The following EEF1E1 variants were observed in gnomAD, a reference collection of about 807,000 sequenced individuals.
The protein encoded by EEF1E1 is eukaryotic translation elongation factor 1 epsilon-1.
EEF1E1 carries 19 observed loss-of-function variants against 19.9 expected under a neutral mutation model. That is an observed-to-expected ratio of 0.95 (90% CI 0.66 to 1.40). The LOEUF (loss-of-function observed/expected upper bound fraction) is 1.40. Ranked by LOEUF, EEF1E1 falls within the 40% of genes most tolerant of loss-of-function variation. The pLI is 0.00. For synonymous variants in EEF1E1, 81 were observed against 80.0 expected, an observed-to-expected ratio of 1.01 and a Z score of -0.07; for missense variants, 198 against 202.2, an observed-to-expected ratio of 0.98 and a Z score of 0.13.
intron 3 of EEF1E1, among the ~76,000 whole-genome samples, chr6:8,083,280 T>C (rs555218949): frequency 1.3e-5 from 2 of 152,320 alleles, no homozygotes; most frequent in East Asian, 3.9e-4. Context: ...CTTTGGGACA[T>C]TCTTTAGGGC....
downstream of EEF1E1, among the ~76,000 whole-genome samples, chr6:8,075,311 C>T (rs1043493192): frequency 1.3e-5 from 2 of 152,156 alleles, no homozygotes; most frequent in Non-Finnish European, 2.9e-5. Flanking sequence ...ACTAAAAATA[C>T]TCCTGAGGGC....
rs1471676516 is a variant in EEF1E1, at chr6:8,101,266, A to G, written c.87+1169T>C. On this transcript the variant is annotated intron_variant, in intron 1 of 3. Transcript: ENST00000379715. ...AAAATATATATATATATATATATAT[A>G]TATATATATATATATATGGCACTCT... Among the ~76,000 whole-genome samples the G allele has an allele frequency of 1.7e-5, 2 of 120,964 alleles. 1 individual carries two copies. Among genetic ancestry groups the G allele is most frequent in the Non-Finnish European group, 3.3e-5 (2 of 60,278 alleles). The allele number at this position is 120,964 out of a possible 152,430, so 79.4% of individuals were successfully genotyped here.
chr6:8,101,382 G>C (rs986011364), intron 1 of EEF1E1, among the ~76,000 whole-genome samples: 31 of 147,068 alleles, frequency 2.1e-4, no homozygotes, highest in Admixed American at 1.4e-4. Flanking sequence ...CACTAAGCTA[G>C]GGAGTAGGGG....
At chr6:8,078,831 A>T, downstream of EEF1E1, 2 of 1,146,814 alleles carry the variant, frequency 1.7e-6, no homozygotes, top group Non-Finnish European at 2.2e-6. Flanking sequence ...ATCCTAATTT[A>T]GCATTATCTT....
chr6:8,095,484 C>A, intron 2 of EEF1E1: 1 of 243,382 alleles, frequency 4.1e-6, no homozygotes, highest in Non-Finnish European at 8.7e-6. Context: ...GCCTGGGTGA[C>A]AGAGTGAGAA....
intron 2 of EEF1E1, among the ~76,000 whole-genome samples, chr6:8,091,854 G>C (rs767764444): frequency 2.6e-5 from 4 of 152,220 alleles, no homozygotes; most frequent in Non-Finnish European, 5.9e-5. Context: ...AAACTATAGA[G>C]AGGGCATTTT....
At chr6:8,093,147 C>T (rs192047440) in intron 2 of EEF1E1, among the ~76,000 whole-genome samples, 6 of 152,168 alleles carry the variant, frequency 3.9e-5, no homozygotes, top group Admixed American at 2.0e-4. Flanking sequence ...GCTGGGATTA[C>T]AGGCGTGAGC....
At chr6:8,076,641 A>G (rs1161743205), downstream of EEF1E1, among the ~76,000 whole-genome samples, 1 of 152,114 alleles carries the variant, frequency 6.6e-6, no homozygotes, top group East Asian at 1.9e-4. Flanking sequence ...ATATTTCTTA[A>G]GTAGTAAGAC....
In EEF1E1 at chr6:8,079,966, T is replaced by A. The variant is rs763644860; in HGVS notation, c.449A>T (p.Gln150Leu). The stretch of plus-strand genomic sequence containing the variant: ...ATGTTGCCTGATGCCTGGATAATGC[T>A]GAATGTGACAAAACCAGCGAGACAC... Reference protein sequence around the residue: ...LNVSRWFCHIQHYPGIRQHLS... With the variant: ...LNVSRWFCHILHYPGIRQHLS... Residue 150 changes from glutamine to leucine, a missense_variant, in exon 4 of 4, where the codon CAG becomes CTG. Transcript: ENST00000379715. 1 of 1,613,772 alleles carries A rather than the reference T, an allele frequency of 6.2e-7. No individual in the cohort carries two copies. The highest frequency in any genetic ancestry group is 8.5e-7 in the Non-Finnish European group (1 of 1,179,958).
downstream of EEF1E1, among the ~76,000 whole-genome samples, chr6:8,077,578 C>A (rs1412977374): frequency 6.6e-6 from 1 of 152,190 alleles, no homozygotes; most frequent in Non-Finnish European, 1.5e-5. Context: ...ATCTCATGAA[C>A]CAATCTCTGC....
At chr6:8,092,879 T>TTTTTTG (rs1561643202) in intron 2 of EEF1E1, among the ~76,000 whole-genome samples, 2 of 139,978 alleles carry the variant, frequency 1.4e-5, no homozygotes, top group Non-Finnish European at 3.1e-5. Context: ...CTTTTTTTTT[T>TTTTTTG]TTTTTTTTTT....
intron 1 of EEF1E1, among the ~76,000 whole-genome samples, chr6:8,100,566 T>C (rs555461942): frequency 1.3e-5 from 2 of 152,270 alleles, no homozygotes; most frequent in African/African-American, 4.8e-5. Flanking sequence ...CTTCGGCTGA[T>C]AGAAAACTCA....
chr6:8,082,021 G>T (rs1464156319), intron 3 of EEF1E1, among the ~76,000 whole-genome samples: 1 of 152,152 alleles, frequency 6.6e-6, no homozygotes, highest in Non-Finnish European at 1.5e-5. Flanking sequence ...TAGGTAAAAA[G>T]GGCAATGTTA....
Position 8,102,446 on chromosome 6 carries a change from C to T in EEF1E1, c.76G>A (p.Gly26Ser). The T allele has an allele frequency of 6.2e-7, 1 of 1,612,220 alleles. No homozygotes were observed. Among genetic ancestry groups the T allele is most frequent in the Non-Finnish European group, 8.5e-7 (1 of 1,179,820 alleles). The change falls in exon 1 of 4, where the codon GGC becomes AGC. Residue 26 changes from glycine to serine, a missense_variant. Gly to Ser is a moderately conservative substitution (Grantham distance 56). Transcript: ENST00000379715. Reference protein sequence around the residue: ...LSKGNKYSAQGERQIPVLQTN... With the variant: ...LSKGNKYSAQSERQIPVLQTN... The stretch of plus-strand genomic sequence containing the variant: ...CCTCTCCTTCTCACCTGTCGCTCGC[C>T]CTGAGCACTGTATTTATTCCCCTTA...
At chr6:8,081,905 C>T (rs1337059647) in intron 3 of EEF1E1, among the ~76,000 whole-genome samples, 3 of 152,206 alleles carry the variant, frequency 2.0e-5, no homozygotes, top group Non-Finnish European at 4.4e-5. Flanking sequence ...CCTTTCATCG[C>T]TCTTTCATTT....
chr6:8,081,098 A>G (rs1757713682), intron 3 of EEF1E1, among the ~76,000 whole-genome samples: 1 of 152,210 alleles, frequency 6.6e-6, no homozygotes, highest in Admixed American at 6.5e-5. Flanking sequence ...AGTAGGCAGT[A>G]TTTTCTCATT....
chr6:8,096,333 G>A (rs930559176), intron 2 of EEF1E1, among the ~76,000 whole-genome samples: 9 of 152,176 alleles, frequency 5.9e-5, no homozygotes, highest in African/African-American at 2.2e-4. Context: ...TGGAAATGCT[G>A]TGAATAGTAG....
chr6:8,081,983 G>A (rs1311672508), intron 3 of EEF1E1, among the ~76,000 whole-genome samples: 2 of 152,078 alleles, frequency 1.3e-5, no homozygotes, highest in African/African-American at 2.4e-5. Flanking sequence ...GCTTGTTTAT[G>A]TTCAAGTTGT....
intron 3 of EEF1E1, 94 bp downstream of exon 3, chr6:8,090,092 C>G: frequency 9.3e-7 from 1 of 1,075,204 alleles, no homozygotes; most frequent in South Asian, 2.1e-5. Context: ...ATTTGATAAG[C>G]CAAAAATGCA....
Sources: allele counts gnomAD v4.1 joint callset (sites outside exome capture counted in the v4.1 genomes callset), GRCh38; gene constraint gnomAD v4.1.1; transcripts MANE v1.5; gene names NCBI Gene and HGNC (gene_info 2026-07-23, HGNC 2026-07-21).